NSMF: variants seen among roughly 807,000 people sequenced by gnomAD.
NSMF encodes the protein NMDA receptor synaptonuclear signaling and neuronal migration factor, also known as nasal embryonic LHRH factor.
A neutral mutation model predicts 71.0 loss-of-function variants in NSMF; 31 were observed. That is an observed-to-expected ratio of 0.44 (90% CI 0.33 to 0.59). The LOEUF is 0.59. Ranked by LOEUF, NSMF falls within the 20% of genes least tolerant of loss-of-function variation. NSMF has a pLI of 0.04. For missense variants in NSMF, 673 were observed against 740.5 expected (o/e 0.91, Z 1.06); for synonymous variants, 345 against 287.1 (o/e 1.20, Z -2.04).
rs907863783 is a variant in NSMF, at chr9:137,452,986, C to A, written c.1047+70G>T. The A allele has an allele frequency of 2.6e-5, 41 of 1,605,816 alleles. No individual in the cohort carries two copies. The Middle Eastern group carries it at 1.3e-3, about 53-fold the overall frequency. On this transcript the variant is annotated intron_variant, in intron 9 of 15. Transcript: ENST00000371475. ...GAAGGCTGCGTGGTCCCAGGCAGAG[C>A]TGGCTGGACTCGGGTTGGGGCGGAG...
intron 3 of NSMF, among the ~76,000 whole-genome samples, 157 bp downstream of exon 3, chr9:137,457,250 C>T (rs891021406): frequency 1.1e-4 from 17 of 152,136 alleles, no homozygotes; most frequent in African/African-American, 2.4e-4. Flanking sequence ...GTGTGGAGGC[C>T]GCAGCAGAAG....
In NSMF at chr9:137,458,475, CGCGT is replaced by C; in HGVS notation, c.133+9_133+12del. ...GGTCTGGGCGGCCCTGGCACGGCCT[CGCGT>C]GCCCCTACCTGCGCCGTTGCGGTTC... On this transcript the variant is annotated intron_variant, in intron 2 of 15. Transcript: ENST00000371475. 6.4e-7 allele frequency: 1 copy of C among 1,574,140 alleles called. No homozygotes were observed. Among genetic ancestry groups the C allele is most frequent in the Non-Finnish European group, 8.6e-7 (1 of 1,163,644 alleles).
At chr9:137,456,510 T>A in intron 3 of NSMF, 24 bp from the exon 4 acceptor site, 1 of 1,526,968 alleles carries the variant, frequency 6.5e-7, no homozygotes, top group Non-Finnish European at 9.0e-7. Context: ...AAAGGAGCGG[T>A]GGCTGGGTGA....
chr9:137,449,861 G>A, intron 14 of NSMF, 62 bp downstream of exon 14: 4 of 1,438,322 alleles, frequency 2.8e-6, no homozygotes, highest in Non-Finnish European at 3.9e-6. Context: ...GGAAGGCTCT[G>A]CCCTGTCTGT....
intron 1 of NSMF, 137 bp downstream of exon 1, chr9:137,458,895 G>A: frequency 1.5e-6 from 1 of 669,948 alleles, no homozygotes; most frequent in South Asian, 2.6e-5. Context: ...GAAGAGGGAG[G>A]CGCGGGGCGC....
rs903305013 is a variant in NSMF, at chr9:137,457,713, G to C, written c.322C>G (p.Pro108Ala). 1 of 1,554,168 alleles carries C rather than the reference G, an allele frequency of 6.4e-7. No homozygotes were observed. The highest frequency in any genetic ancestry group is 8.7e-7 in the Non-Finnish European group (1 of 1,149,002). ...QPRVYTISGE[P>A]ALLPSPEAEA... ...GCCTCAGGGCTGGGCAGCAGGGCAGGCTCCCCAGAGATGGTGTACACTCGA... is the reference window on the plus strand; with the variant it reads ...GCCTCAGGGCTGGGCAGCAGGGCAGCCTCCCCAGAGATGGTGTACACTCGA... Residue 108 changes from proline (P) to alanine (A), a missense_variant, in exon 3 of 16, where the codon CCT becomes GCT. Transcript: ENST00000371475.
At chr9:137,452,711 G>A (rs752843550) in intron 10 of NSMF, 25 bp downstream of exon 10, 3 of 1,603,914 alleles carry the variant, frequency 1.9e-6, no homozygotes, top group Middle Eastern at 3.3e-4. Context: ...GCATCTGTTG[G>A]GGGCAGGCCC....
intron 13 of NSMF, 29 bp from the exon 14 acceptor site, chr9:137,450,054 G>A: frequency 6.3e-7 from 1 of 1,599,244 alleles, no homozygotes; most frequent in Non-Finnish European, 8.6e-7. Flanking sequence ...TCACCCAGTG[G>A]CAGGGGACAG....
intron 7 of NSMF, 49 bp downstream of exon 7, chr9:137,454,342 C>T: frequency 6.5e-7 from 1 of 1,527,354 alleles, no homozygotes; most frequent in African/African-American, 1.4e-5. Flanking sequence ...AAAGCCCCAA[C>T]CAGCCAAGCG....
rs1831059170 is a variant in NSMF at position 137,459,325 on chromosome 9, T to A, written c.-223A>T. ...CGTGCCGCCGCTCCCGGGAGAGCGC[T>A]GCCCGAACCGAGGGCCGGCCCCGCC... is the stretch of plus-strand genomic sequence containing the variant. On this transcript the variant is annotated 5_prime_UTR_variant, in exon 1 of 16. Transcript: ENST00000371475. 5.8e-6 allele frequency: 1 copy of A among 172,192 alleles called. No individual in the cohort carries two copies. The highest frequency in any genetic ancestry group is 1.2e-5 in the Non-Finnish European group (1 of 85,536). The allele number at this position is 172,192 out of a possible 1,614,324, so 10.7% of individuals were successfully genotyped here.
intron 3 of NSMF, 139 bp from the exon 4 acceptor site, chr9:137,456,625 TC>T: frequency 1.4e-6 from 1 of 732,658 alleles, no homozygotes; most frequent in Non-Finnish European, 2.5e-6. Flanking sequence ...GAGGGTGGCA[TC>T]CCCACACGGG....
At chr9:137,452,094 C>T (rs1198639908) in intron 12 of NSMF, among the ~76,000 whole-genome samples, 2 of 82,426 alleles carry the variant, frequency 2.4e-5, no homozygotes, top group Non-Finnish European at 4.9e-5. Context: ...CCAGCCACAC[C>T]TCTTCCCCTT....
At chr9:137,454,679 T>C (rs1043738939) in intron 6 of NSMF, 4 of 1,524,776 alleles carry the variant, frequency 2.6e-6, no homozygotes, top group African/African-American at 2.7e-5. Context: ...TGCCTGGCGC[T>C]CTGGATCAAG....
At chr9:137,454,793 C>A in intron 6 of NSMF, 3 of 1,382,422 alleles carry the variant, frequency 2.2e-6, no homozygotes, top group Non-Finnish European at 2.8e-6. Context: ...CCTGCCTGCG[C>A]TGCAGCAGAG....
At chr9:137,456,317 CT>C (rs896138345) in intron 4 of NSMF, 93 bp downstream of exon 4, 6 of 1,061,404 alleles carry the variant, frequency 5.7e-6, no homozygotes, top group African/African-American at 1.6e-5. Flanking sequence ...AGCAGCCCCC[CT>C]GGTAGGCCCA....
rs145399881 is a variant in NSMF at position 137,456,431 on chromosome 9, T to C, written c.684A>G (p.Thr228=). The change falls in exon 4 of 16, where the codon ACA becomes ACG. Residue 228 remains threonine (T), a synonymous_variant. Transcript: ENST00000371475. ...CTCACGCTTGCATAGTTGTGGTTGC[T>C]GTCTGGAAGCTGAAAAGATTTTCCT... ...FPKENLFSFQ[T]ATTTMQAISV... 3 of 1,613,182 alleles carry C rather than the reference T, an allele frequency of 1.9e-6. No individual in the cohort carries two copies. Among genetic ancestry groups the C allele is most frequent in the African/African-American group, 2.7e-5 (2 of 74,948 alleles).
chr9:137,455,713 C>A, intron 4 of NSMF, 79 bp from the exon 5 acceptor site: 1 of 1,478,192 alleles, frequency 6.8e-7, no homozygotes, highest in Non-Finnish European at 9.2e-7. Flanking sequence ...CAGCCCCCAC[C>A]CGGTCCCTAC....
chr9:137,455,913 G>A (rs1830808738), intron 4 of NSMF, among the ~76,000 whole-genome samples: 1 of 152,244 alleles, frequency 6.6e-6, no homozygotes, highest in Admixed American at 6.5e-5. Flanking sequence ...CCCCGGGCAG[G>A]ACACTTCTTT....
Position 137,453,079 on chromosome 9 carries a change from C to T in NSMF, c.1024G>A (p.Gly342Ser), listed in dbSNP as rs1453545637. ...ACCATGACCTTTGGTGGCACGAAGC[C>T]TTCGGTGTCGCAGGCCACAGCCTCC... The part of the protein sequence containing the change: ...GLEAVACDTE[G>S]FVPPKVMLIS... The change falls in exon 9 of 16, where the codon GGC becomes AGC. Residue 342 changes from glycine to serine, a missense_variant. Gly to Ser is a moderately conservative substitution (Grantham distance 56). Coordinates refer to ENST00000371475, the MANE Select transcript of NSMF (RefSeq NM_001130969.3). The surrounding 1 kb of genome is among the most constrained non-coding windows in gnomAD (Gnocchi z 4.5). The T allele has an allele frequency of 6.2e-7, 1 of 1,612,524 alleles. No individual in the cohort carries two copies. Among genetic ancestry groups the T allele is most frequent in the Non-Finnish European group, 8.5e-7 (1 of 1,179,916 alleles).
Sources: gnomAD v4.1 joint callset for allele counts (sites outside exome capture counted in the v4.1 genomes callset) on GRCh38, gnomAD v4.1.1 for gene constraint, Gnocchi (gnomAD v3.1) non-coding constraint, MANE v1.5 for transcripts, NCBI Gene and HGNC (gene_info 2026-07-23, HGNC 2026-07-21) for gene names.